The following CATSPERD variants were observed in gnomAD, a reference collection of about 807,000 sequenced individuals.
CATSPERD encodes the protein catsper channel auxiliary subunit delta.
A neutral mutation model predicts 98.1 loss-of-function variants in CATSPERD; 86 were observed. The ratio of observed to expected loss-of-function variants is 0.88; its 90% CI spans 0.74 to 1.05. The LOEUF is 1.05. Among genes scored for constraint, CATSPERD ranks in the 50% least tolerant of loss-of-function variants. CATSPERD has a pLI of 0.00. For synonymous variants in CATSPERD, 394 were observed against 390.2 expected (o/e 1.01, Z -0.12); for missense variants, 995 against 1,005.7 (o/e 0.99, Z 0.14).
chr19:5,778,164 G>A (rs917844782), intron 21 of CATSPERD, among the ~76,000 whole-genome samples: 1 of 142,008 alleles, frequency 7.0e-6, no homozygotes, highest in African/African-American at 2.7e-5. Context: ...CCGAGATCGT[G>A]CCACTGCACT....
In CATSPERD at chr19:5,749,121, A is replaced by G. The variant is rs767213076; in HGVS notation, c.925A>G (p.Ile309Val). ...IAVTENELAV[I>V]TREDNLYYGN... ...CCCAGCTGAAAATGAACTGGCAGTTATAACTCGGGAGGATAATTTGTATTA... is the reference window on the plus strand; with the variant it reads ...CCCAGCTGAAAATGAACTGGCAGTTGTAACTCGGGAGGATAATTTGTATTA... Residue 309 changes from isoleucine to valine, a missense_variant, in exon 11 of 22, where the codon ATA becomes GTA. Transcript: ENST00000381624. 1.8e-5 allele frequency: 29 copies of G among 1,612,436 alleles called. No homozygotes were observed. The highest frequency in any genetic ancestry group is 2.5e-5 in the Non-Finnish European group (29 of 1,179,376).
At chr19:5,722,316 T>G (rs1381801750) in intron 1 of CATSPERD, among the ~76,000 whole-genome samples, 1 of 152,108 alleles carries the variant, frequency 6.6e-6, no homozygotes, top group Non-Finnish European at 1.5e-5. Flanking sequence ...AGAGACAGGG[T>G]TCCACCATGT....
rs773678262 is a variant in CATSPERD, at chr19:5,727,372, C to T, written c.203+28C>T. On this transcript the variant is annotated intron_variant, in intron 3 of 21. Transcript: ENST00000381624. ...AAGTGGCAATTTTATGTACTGTTAC[C>T]TTCCTTTTAAATTAAATCTTTAGAT... 6 of 1,436,248 alleles carry T rather than the reference C, an allele frequency of 4.2e-6. No homozygotes were observed. In the South Asian group the frequency reaches 4.6e-5, roughly 11 times the overall value. 89.0% of individuals were successfully genotyped at this position (1,436,248 alleles called of 1,614,324 possible).
Position 5,776,285 on chromosome 19 carries a change from T to A in CATSPERD, c.2066T>A (p.Phe689Tyr), listed in dbSNP as rs1362904326. The change falls in exon 21 of 22, where the codon TTC becomes TAC. Residue 689 changes from phenylalanine (F) to tyrosine (Y), a missense_variant. This residue lies in a region of CATSPERD where 762 missense variants were observed against 773.7 expected (regional missense o/e 0.98). Transcript: ENST00000381624. ...TTCGGCCACAATGGCTTTTATGTCT[T>A]CTACATTTCGATCGTGGATCCGTAC... ...IIFGHNGFYV[F>Y]YISIVDPYYS... 1 of 1,614,064 alleles carries A rather than the reference T, an allele frequency of 6.2e-7. No individual in the cohort carries two copies. Among genetic ancestry groups the A allele is most frequent in the East Asian group, 2.2e-5 (1 of 44,896 alleles).
intron 4 of CATSPERD, among the ~76,000 whole-genome samples, chr19:5,731,450 G>T (rs138536170): frequency 6.6e-6 from 1 of 151,456 alleles, no homozygotes; most frequent in Admixed American, 6.6e-5. Context: ...TTGTGCCACC[G>T]CACTCCAGCT....
intron 7 of CATSPERD, among the ~76,000 whole-genome samples, chr19:5,743,796 C>A (rs1253662175): frequency 6.6e-6 from 1 of 151,950 alleles, no homozygotes; most frequent in Middle Eastern, 3.4e-3. Context: ...CTAGGTGGGG[C>A]CCTTGATTCC....
intron 20 of CATSPERD, among the ~76,000 whole-genome samples, chr19:5,773,642 A>G (rs2056689834): frequency 6.6e-6 from 1 of 151,236 alleles, no homozygotes; most frequent in Non-Finnish European, 1.5e-5. Context: ...TCAGCCTCCC[A>G]ATTAGCTGGG....
chr19:5,746,610 T>G (rs1362837553), intron 9 of CATSPERD, among the ~76,000 whole-genome samples: 1 of 151,840 alleles, frequency 6.6e-6, no homozygotes, highest in Non-Finnish European at 1.5e-5. Flanking sequence ...TTTTTTTGTA[T>G]TTTTAGTAGA....
intron 4 of CATSPERD, among the ~76,000 whole-genome samples, chr19:5,731,046 C>T (rs539438106): frequency 9.8e-4 from 147 of 149,600 alleles, no homozygotes; most frequent in Admixed American, 1.5e-3. Flanking sequence ...GAGCCGTGAT[C>T]GCACCACTGC....
At chr19:5,751,531 CAAAAAAAAAAAAAAAAAAAAAAA>C (rs57266365) in intron 11 of CATSPERD, 93 bp from the exon 12 acceptor site, 25 of 159,390 alleles carry the variant, frequency 1.6e-4, no homozygotes, top group East Asian at 3.3e-4. Flanking sequence ...GAGACTCCAT[CAAAAAAAAAAAAAAAAAAAAAAA>C]AAAAAAAAAA....
chr19:5,760,314 G>A (rs1018485330), intron 15 of CATSPERD, among the ~76,000 whole-genome samples: 5 of 151,272 alleles, frequency 3.3e-5, no homozygotes, highest in Admixed American at 1.3e-4. Flanking sequence ...CAGGAGAATC[G>A]CTTGAACCCG....
chr19:5,723,245 T>G (rs1394008784), intron 1 of CATSPERD, among the ~76,000 whole-genome samples: 2 of 151,314 alleles, frequency 1.3e-5, no homozygotes, highest in Non-Finnish European at 2.9e-5. Flanking sequence ...CATTTCTACA[T>G]TTTGTGTGTA....
chr19:5,728,707 T>C (rs1294171213), intron 3 of CATSPERD, among the ~76,000 whole-genome samples: 2 of 148,228 alleles, frequency 1.3e-5, no homozygotes, highest in East Asian at 2.0e-4. Flanking sequence ...CTCTCTCTCT[T>C]TTTTTTTTTG....
intron 15 of CATSPERD, 48 bp downstream of exon 15, chr19:5,759,192 T>G: frequency 1.3e-6 from 2 of 1,557,760 alleles, no homozygotes; most frequent in Non-Finnish European, 8.9e-7. Flanking sequence ...CTACAGGGGT[T>G]TCCTTAGCAG....
chr19:5,722,732 C>T (rs1309597743), intron 1 of CATSPERD, among the ~76,000 whole-genome samples: 3 of 7,368 alleles, frequency 4.1e-4, no homozygotes, highest in Non-Finnish European at 1.0e-3. Context: ...TTATCAAGAC[C>T]CCCCCCCCCG....
rs768635959 is a variant in CATSPERD at position 5,771,062 on chromosome 19, G to T, written c.1753G>T (p.Val585Leu). The change falls in exon 19 of 22, where the codon GTG becomes TTG. Residue 585 changes from valine (V) to leucine (L), a missense_variant. By Grantham distance (32) the Val-to-Leu change is conservative. Around this residue, in one of 3 missense-constraint regions of CATSPERD, gnomAD observed 762 missense variants for 773.7 expected, o/e 0.98. Coordinates refer to ENST00000381624, the MANE Select transcript of CATSPERD (RefSeq NM_152784.4). ...CTACTATGACACCCTATGGAAGCCC[G>T]TGGTGGAGCTGTAAGACCCCAGGGG... ...LVYYDTLWKP[V>L]VELWRKDSFQ... The T allele has an allele frequency of 6.8e-6, 11 of 1,613,474 alleles. No individual in the cohort carries two copies. Among genetic ancestry groups the T allele is most frequent in the Non-Finnish European group, 9.3e-6 (11 of 1,179,694 alleles).
Position 5,720,669 on chromosome 19 carries a change from C to A in CATSPERD, c.-69C>A, listed in dbSNP as rs7254793. The A allele has an allele frequency of 4.2e-5, 62 of 1,476,934 alleles. No individual in the cohort carries two copies. The African/African-American group carries it at 6.2e-4, about 15-fold the overall frequency. The allele number at this position is 1,476,934 out of a possible 1,614,324, so 91.5% of individuals were successfully genotyped here. ...CGCATGCGCAGGGCTTCAGCCTGCA[C>A]GTACTCGGATTGTGCAGCGACTCCC... On this transcript the variant is annotated 5_prime_UTR_variant, in exon 1 of 22. Coordinates refer to ENST00000381624, the MANE Select transcript of CATSPERD (RefSeq NM_152784.4).
intron 12 of CATSPERD, chr19:5,753,630 G>T (rs1343724046): frequency 2.5e-6 from 1 of 392,362 alleles, no homozygotes. Flanking sequence ...AGCACTTTGG[G>T]AGGCCGAGAT....
chr19:5,762,460 C>T (rs2056459288), intron 15 of CATSPERD, among the ~76,000 whole-genome samples: 1 of 152,168 alleles, frequency 6.6e-6, no homozygotes, highest in Non-Finnish European at 1.5e-5. Flanking sequence ...CACCTCCCAC[C>T]AGGTCCCTCC....
Sources: gnomAD v4.1 joint callset for allele counts (sites outside exome capture counted in the v4.1 genomes callset) on GRCh38, gnomAD v4.1.1 for gene constraint, gnomAD v4.1.1 regional missense constraint, MANE v1.5 for transcripts, NCBI Gene and HGNC (gene_info 2026-07-23, HGNC 2026-07-21) for gene names.